TTC17: variants seen among roughly 807,000 people sequenced by gnomAD.
TTC17 encodes tetratricopeptide repeat protein 17.
TTC17 carries 58 observed loss-of-function variants against 143.8 expected under a neutral mutation model. That is an observed-to-expected ratio of 0.40 (90% CI 0.33 to 0.50). The LOEUF is 0.50. Ranked by LOEUF, TTC17 falls within the 20% of genes least tolerant of loss-of-function variation. The pLI is 0.49. For missense variants in TTC17, 1,273 were observed against 1,392.5 expected (o/e 0.91, Z 1.37); for synonymous variants, 501 against 497.8 (o/e 1.01, Z -0.09).
At chr11:43,476,012 T>TA (rs1333877443) in intron 21 of TTC17, among the ~76,000 whole-genome samples, 4 of 152,198 alleles carry the variant, frequency 2.6e-5, no homozygotes, top group Non-Finnish European at 5.9e-5. Context: ...TTATCAGTTT[T>TA]AAAATACAAA....
intron 8 of TTC17, among the ~76,000 whole-genome samples, chr11:43,399,508 C>G (rs1054835317): frequency 2.6e-5 from 4 of 152,008 alleles, no homozygotes; most frequent in Non-Finnish European, 4.4e-5. Context: ...GACCCAGTTT[C>G]TAAAACTAAA....
At position 43,359,316 on chromosome 11, in the gene TTC17, C is replaced by T. The variant is rs1042791591; in HGVS notation, c.159+203C>T. On this transcript the variant is annotated intron_variant, in intron 1 of 23. Transcript: ENST00000039989. The stretch of plus-strand genomic sequence containing the variant: ...ACTTGTCTCCTGGTCCTCGTTTGGC[C>T]CCCTAGAAGTTCTCACCCTTCCACC... The T allele has an allele frequency of 1.7e-5, 11 of 646,272 alleles. No homozygotes were observed. In the East Asian group the frequency reaches 2.8e-4, roughly 16 times the overall value. 40.0% of individuals were successfully genotyped at this position (646,272 alleles called of 1,614,324 possible). A position where few individuals can be genotyped will look rare whatever the true frequency, so the allele number is the denominator to read the frequency against.
chr11:43,407,145 T>C lies in TTC17; in HGVS notation c.1769T>C (p.Leu590Pro). 9.5e-6 allele frequency: 15 copies of C among 1,578,744 alleles called. No individual in the cohort carries two copies. Among genetic ancestry groups the C allele is most frequent in the Non-Finnish European group, 1.3e-5 (15 of 1,168,242 alleles). Residue 590 changes from leucine to proline, a missense_variant, in exon 14 of 24, where the codon CTT (leucine) becomes CCT (proline). Leu to Pro is a moderately conservative substitution (Grantham distance 98). This residue lies in a region of TTC17 where 878 missense variants were observed against 899.8 expected (regional missense o/e 0.98). Transcript: ENST00000039989. ...MPDDHARKILLSRINNYTIPE... is the reference protein window; with the variant it reads ...MPDDHARKILPSRINNYTIPE... ...TTCCTTTTGATGTTTCAGATTTTGCTTTCCCGTATTAATAACTATACTATC... is the reference window on the plus strand; with the variant it reads ...TTCCTTTTGATGTTTCAGATTTTGCCTTCCCGTATTAATAACTATACTATC...
intron 2 of TTC17, among the ~76,000 whole-genome samples, chr11:43,386,916 A>G (rs1251071709): frequency 1.3e-5 from 2 of 152,090 alleles, no homozygotes; most frequent in African/African-American, 2.4e-5. Context: ...CTTCTCCAGT[A>G]GCTAGGACTA....
At chr11:43,493,674 G>A (rs1296140322) in intron 23 of TTC17, 99 bp from the exon 24 acceptor site, 1 of 1,559,640 alleles carries the variant, frequency 6.4e-7, no homozygotes, top group African/African-American at 1.4e-5. Flanking sequence ...CTGCGGGATT[G>A]TCCCTAGTAC....
At chr11:43,413,096 ATAAT>A (rs1946692505) in intron 15 of TTC17, among the ~76,000 whole-genome samples, 1 of 152,064 alleles carries the variant, frequency 6.6e-6, no homozygotes, top group Admixed American at 6.6e-5. Context: ...GAGATTTACT[ATAAT>A]TAAAAGAGTA....
intron 19 of TTC17, chr11:43,449,335 C>T (rs576776733): frequency 1.3e-5 from 2 of 152,386 alleles, no homozygotes; most frequent in Middle Eastern, 3.4e-3. Context: ...ACTGTGGGTT[C>T]TCAGCTGGTT....
chr11:43,470,739 G>T (rs1204244655), intron 21 of TTC17, among the ~76,000 whole-genome samples: 1 of 152,136 alleles, frequency 6.6e-6, no homozygotes, highest in African/African-American at 2.4e-5. Context: ...ACAAATTGTT[G>T]GTGCCCTATG....
At chr11:43,382,109 A>G (rs946404578) in intron 2 of TTC17, among the ~76,000 whole-genome samples, 1 of 152,228 alleles carries the variant, frequency 6.6e-6, no homozygotes, top group Non-Finnish European at 1.5e-5. Flanking sequence ...TGACAACTAT[A>G]TGAACATCTT....
chr11:43,404,188 A>G lies in TTC17; in HGVS notation c.1479+44A>G, dbSNP rs1207440898. On this transcript the variant is annotated intron_variant, in intron 11 of 23. Coordinates refer to ENST00000039989, the MANE Select transcript of TTC17 (RefSeq NM_018259.6). ...ACGAAGCAGTTTTCTCAAACTGGCA[A>G]GATCCATTAAAGCAGTGGCCCTCAA... The G allele has an allele frequency of 3.2e-6, 5 of 1,575,026 alleles. No individual in the cohort carries two copies. The African/African-American group carries it at 6.8e-5, about 21-fold the overall frequency.
intron 16 of TTC17, among the ~76,000 whole-genome samples, chr11:43,425,419 G>C (rs1349958007): frequency 6.6e-6 from 1 of 152,012 alleles, no homozygotes; most frequent in African/African-American, 2.4e-5. Context: ...TAAGTGATTT[G>C]TGCCTCAGAA....
intron 22 of TTC17, 48 bp downstream of exon 22, chr11:43,490,406 A>G: frequency 1.9e-6 from 3 of 1,553,928 alleles, no homozygotes; most frequent in Non-Finnish European, 2.6e-6. Flanking sequence ...TGTCCTTTCC[A>G]TTCCCCATGG....
At chr11:43,457,354 G>T (rs917245728) in intron 21 of TTC17, among the ~76,000 whole-genome samples, 1 of 151,916 alleles carries the variant, frequency 6.6e-6, no homozygotes, top group African/African-American at 2.4e-5. Flanking sequence ...GGGAAAAACT[G>T]CCCTGATGAA....
chr11:43,427,695 G>C (rs1253092786), intron 16 of TTC17, among the ~76,000 whole-genome samples: 1 of 152,184 alleles, frequency 6.6e-6, no homozygotes, highest in Non-Finnish European at 1.5e-5. Context: ...CAATTTAACT[G>C]TGCCTCTCCT....
intron 21 of TTC17, among the ~76,000 whole-genome samples, chr11:43,473,882 CAAAAA>C (rs781437584): frequency 4.9e-5 from 3 of 60,670 alleles, no homozygotes; most frequent in Non-Finnish European, 6.8e-5. Flanking sequence ...GACTCTGTCT[CAAAAA>C]AAAAAAAAAA....
intron 16 of TTC17, among the ~76,000 whole-genome samples, chr11:43,419,543 C>T (rs1946852543): frequency 6.6e-6 from 1 of 152,196 alleles, no homozygotes; most frequent in Non-Finnish European, 1.5e-5. Context: ...CTGCACTTTG[C>T]TGCCCTCCAG....
intron 18 of TTC17, chr11:43,446,155 A>G (rs1947535894): frequency 2.3e-6 from 3 of 1,329,712 alleles, no homozygotes; most frequent in Non-Finnish European, 2.9e-6. Flanking sequence ...CTCTGAACCA[A>G]CCATGCTCAT....
At chr11:43,379,774 C>T (rs1021221006) in intron 2 of TTC17, among the ~76,000 whole-genome samples, 5 of 152,082 alleles carry the variant, frequency 3.3e-5, no homozygotes, top group Admixed American at 6.6e-5. Context: ...TTATGGTTGA[C>T]GTGAAAAACA....
intron 15 of TTC17, among the ~76,000 whole-genome samples, chr11:43,412,434 G>A (rs1327555917): frequency 6.6e-6 from 1 of 152,082 alleles, no homozygotes; most frequent in Non-Finnish European, 1.5e-5. Context: ...ACCAGCCTGG[G>A]CAACAGAATG....
Sources: allele counts gnomAD v4.1 joint callset (sites outside exome capture counted in the v4.1 genomes callset), GRCh38; gene constraint gnomAD v4.1.1; regional missense constraint gnomAD v4.1.1; transcripts MANE v1.5; gene names NCBI Gene and HGNC (gene_info 2026-07-23, HGNC 2026-07-21).